CPLANE1: variants seen among roughly 807,000 people sequenced by gnomAD.
The protein encoded by CPLANE1 is ciliogenesis and planar polarity effector complex subunit 1, also known as ciliogenesis and planar polarity effector 1.
In CPLANE1, 263 loss-of-function variants were observed where a neutral mutation model predicts 362.5. That is an observed-to-expected ratio of 0.73 (90% CI 0.66 to 0.80). The LOEUF (loss-of-function observed/expected upper bound fraction) is 0.80, where lower values mean the gene tolerates loss of function less well. CPLANE1 is among the 30% of genes least tolerant of loss of function. The probability of loss-of-function intolerance (pLI) is 0.00; values close to 1 mark genes in which losing one functional copy is unlikely to be tolerated. For missense variants in CPLANE1, 3,461 were observed against 3,793.4 expected (o/e 0.91, Z 2.30); for synonymous variants, 1,212 against 1,302.6 (o/e 0.93, Z 1.50).
the CPLANE1 span, chr5:37,084,982 A>G: frequency 5.3e-6 from 3 of 563,874 alleles, no homozygotes; most frequent in Non-Finnish European, 9.6e-6. Flanking sequence ...GACAAAACCA[A>G]CTTTAAAGCA....
chr5:37,210,719 A>G, intron 16 of CPLANE1: 1 of 1,578,042 alleles, frequency 6.3e-7, no homozygotes, highest in Non-Finnish European at 8.7e-7. Flanking sequence ...CACAAAATAA[A>G]TTACTTAAAC....
the CPLANE1 span, among the ~76,000 whole-genome samples, chr5:37,100,833 G>A: frequency 6.6e-6 from 1 of 151,714 alleles, no homozygotes; most frequent in African/African-American, 2.4e-5. Context: ...CATTTCCCTT[G>A]TTAGCTGTGT....
chr5:37,230,237 ATAAC>A (rs1013616506), intron 9 of CPLANE1, among the ~76,000 whole-genome samples: 1 of 151,852 alleles, frequency 6.6e-6, no homozygotes, highest in Non-Finnish European at 1.5e-5. Context: ...AAAAAAAAGA[ATAAC>A]TAACCCAAAG....
downstream of CPLANE1, among the ~76,000 whole-genome samples, chr5:37,101,845 A>T (rs1407806221): frequency 2.0e-5 from 3 of 152,126 alleles, no homozygotes; most frequent in Non-Finnish European, 4.4e-5. Context: ...GTATATGTCC[A>T]GGAATTTATC....
chr5:37,195,218 G>A (rs1305862715), intron 21 of CPLANE1, among the ~76,000 whole-genome samples: 2 of 151,930 alleles, frequency 1.3e-5, no homozygotes, highest in African/African-American at 4.8e-5. Flanking sequence ...ATTAAGGAAG[G>A]ATTAAGGAGG....
In CPLANE1 at chr5:37,226,831, C is replaced by A; in HGVS notation, c.1764G>T (p.Val588=). ...AATTTAACATTAAATTTTTTTCTGT[C>A]ACAGTTTTTGAAATTCCTATAGTCC... ...AAWTIGISKT[V]TEKNLMLNYI... is the part of the protein sequence containing the mutation. Residue 588 remains valine (V), a synonymous_variant, in exon 12 of 53, where the codon GTG becomes GTT. Coordinates refer to ENST00000651892, the MANE Select transcript of CPLANE1 (RefSeq NM_001384732.1). 6.5e-7 allele frequency: 1 copy of A among 1,550,138 alleles called. No individual in the cohort carries two copies. Among genetic ancestry groups the A allele is most frequent in the Non-Finnish European group, 8.7e-7 (1 of 1,146,558 alleles).
intron 4 of CPLANE1, 39 bp from the exon 5 acceptor site, chr5:37,244,646 T>G (rs1452900354): frequency 2.6e-6 from 3 of 1,155,214 alleles, no homozygotes; most frequent in African/African-American, 3.2e-5. Flanking sequence ...GCCTCTGAAG[T>G]CTGAATTCCC....
chr5:37,140,557 GAAGGTCC>G, intron 44 of CPLANE1: 1 of 985,380 alleles, frequency 1.0e-6, no homozygotes, highest in South Asian at 4.7e-5. Context: ...TTAGGAAAGA[GAAGGTCC>G]ATTAAAGAGA....
intron 46 of CPLANE1, among the ~76,000 whole-genome samples, chr5:37,133,974 G>C (rs1284601802): frequency 6.6e-6 from 1 of 152,136 alleles, no homozygotes; most frequent in Non-Finnish European, 1.5e-5. Flanking sequence ...TTGCATCCTA[G>C]AAATGAGGCC....
At position 37,239,763 on chromosome 5, in the gene CPLANE1, A is replaced by C; in HGVS notation, c.784T>G (p.Ser262Ala). ...ACTGCCAGGGTAAGGCCATCTCTTG[A>C]AAAGGCAGAAATTAGAGCTCCTCTT... ...KSRGALISAF[S>A]RDGLTLAVTL... Residue 262 changes from serine to alanine, a missense_variant, in exon 7 of 53, where the codon TCA becomes GCA. Ser to Ala is a moderately conservative substitution (Grantham distance 99). Around this residue, in one of 2 missense-constraint regions of CPLANE1, gnomAD observed 3,380 missense variants for 3,666.1 expected, o/e 0.92. Transcript: ENST00000651892. 6.5e-7 allele frequency: 1 copy of C among 1,546,464 alleles called. No homozygotes were observed. Among genetic ancestry groups the C allele is most frequent in the Non-Finnish European group, 8.7e-7 (1 of 1,144,180 alleles).
At position 37,227,292 on chromosome 5, in the gene CPLANE1, T is replaced by A. The variant is rs761746624; in HGVS notation, c.1472A>T (p.Lys491Ile). Reference protein sequence around the residue: ...NESSADFTVPKFLQAEETINE... With the variant: ...NESSADFTVPIFLQAEETINE... ...TATTGTTTCTTCTGCCTGCAAGAAT[T>A]TGGGGACAGTGAAATCGGCTGAACT... Residue 491 changes from lysine to isoleucine, a missense_variant, in exon 11 of 53, where the codon AAA becomes ATA. Lys to Ile is a moderately radical substitution (Grantham distance 102). Around this residue, in one of 2 missense-constraint regions of CPLANE1, gnomAD observed 3,380 missense variants for 3,666.1 expected, o/e 0.92. Transcript: ENST00000651892. 19 of 1,552,088 alleles carry A rather than the reference T, an allele frequency of 1.2e-5. No individual in the cohort carries two copies. The African/African-American group carries it at 1.9e-4, about 16-fold the overall frequency.
At chr5:37,180,293 T>TGGA (rs1782321879) in intron 27 of CPLANE1, 110 bp from the exon 28 acceptor site, 1 of 518,424 alleles carries the variant, frequency 1.9e-6, no homozygotes, top group Admixed American at 4.4e-5. Context: ...TCGCCCAGGC[T>TGGA]GGAGTGCAAT....
intron 23 of CPLANE1, among the ~76,000 whole-genome samples, chr5:37,187,060 C>CAAAAAAAAAAAAAAAAAAAAAAAAAAAAA (rs61112118): frequency 2.0e-5 from 1 of 50,404 alleles, no homozygotes; most frequent in African/African-American, 9.1e-5. Flanking sequence ...GACTCCGTCT[C>CAAAAAAAAAAAAAAAAAAAAAAAAAAAAA]AAAAAAAAAA....
In CPLANE1 at chr5:37,169,535, T is replaced by C; in HGVS notation, c.6489A>G (p.Leu2163=). 2 of 1,612,246 alleles carry C rather than the reference T, an allele frequency of 1.2e-6. No individual in the cohort carries two copies. Among genetic ancestry groups the C allele is most frequent in the Non-Finnish European group, 1.7e-6 (2 of 1,179,070 alleles). The part of the protein sequence containing the change: ...VQNVPHGSIP[L]CQLNGQPRKK... ...TCCGGGGCTGGCCATTTAATTGACA[T>C]AAAGGAATACTCCCATGTGGAACAT... is the stretch of plus-strand genomic sequence containing the variant. The change falls in exon 34 of 53, where the codon TTA becomes TTG. Residue 2163 remains leucine, a synonymous_variant. Transcript: ENST00000651892.
At chr5:37,188,868 AT>A (rs924252807) in intron 21 of CPLANE1, among the ~76,000 whole-genome samples, 4 of 149,278 alleles carry the variant, frequency 2.7e-5, no homozygotes, top group African/African-American at 9.7e-5. Flanking sequence ...TATTATGATT[AT>A]TTTTTTGAGA....
chr5:37,189,492 A>G (rs1302543128), intron 21 of CPLANE1, among the ~76,000 whole-genome samples: 1 of 152,188 alleles, frequency 6.6e-6, no homozygotes, highest in Non-Finnish European at 1.5e-5. Flanking sequence ...GTGTTTCATT[A>G]TTTCATATTT....
At chr5:37,245,172 T>C (rs768622864) in intron 4 of CPLANE1, among the ~76,000 whole-genome samples, 1 of 150,126 alleles carries the variant, frequency 6.7e-6, no homozygotes, top group Non-Finnish European at 1.5e-5. Context: ...AGTACAAAAA[T>C]AGCAACATTT....
chr5:37,201,140 C>T (rs947787326), intron 19 of CPLANE1, among the ~76,000 whole-genome samples: 2 of 152,046 alleles, frequency 1.3e-5, no homozygotes, highest in African/African-American at 4.8e-5. Flanking sequence ...TCAAAAAAGG[C>T]AAAGACAAAG....
Position 37,209,759 on chromosome 5 carries a change from T to C in CPLANE1, c.2921-3334A>G. 8.0e-7 allele frequency: 1 copy of C among 1,245,920 alleles called. No homozygotes were observed. Among genetic ancestry groups the C allele is most frequent in the South Asian group, 1.2e-5 (1 of 83,434 alleles). The allele number at this position is 1,245,920 out of a possible 1,614,324, so 77.2% of individuals were successfully genotyped here. A position where few individuals can be genotyped will look rare whatever the true frequency, so the allele number is the denominator to read the frequency against. On this transcript the variant is annotated intron_variant, in intron 16 of 52. Coordinates refer to ENST00000651892, the MANE Select transcript of CPLANE1 (RefSeq NM_001384732.1). This position sits in a 1 kb window ranked among gnomAD's most constrained non-coding sequence, Gnocchi z 4.6. ...ACAAATCACTGGTTTCAGGAGCTGA[T>C]AAAGAAAACCAAAAAGGTTTTCTTA...
Sources: allele counts gnomAD v4.1 joint callset (sites outside exome capture counted in the v4.1 genomes callset), GRCh38; gene constraint gnomAD v4.1.1; regional missense constraint gnomAD v4.1.1; non-coding constraint Gnocchi (gnomAD v3.1); transcripts MANE v1.5; gene names NCBI Gene and HGNC (gene_info 2026-07-23, HGNC 2026-07-21).